Variants in SRD5A2 observed in about 807,000 individuals in gnomAD.
SRD5A2 encodes the protein steroid 5 alpha-reductase 2.
Under a neutral mutation model 27.4 loss-of-function variants are expected in SRD5A2, and 30 were observed. That is an observed-to-expected ratio of 1.10 (90% CI 0.82 to 1.49). The LOEUF is 1.49. Among genes scored for constraint, SRD5A2 ranks in the 40% most tolerant of loss-of-function variants. SRD5A2 has a pLI of 0.00. For missense variants in SRD5A2, 348 were observed against 323.4 expected (o/e 1.08, Z -0.58); for synonymous variants, 141 against 133.6 (o/e 1.06, Z -0.38).
At chr2:31,580,598 G>A (rs777512867) in intron 1 of SRD5A2, 22 bp downstream of exon 1, 3 of 1,508,150 alleles carry the variant, frequency 2.0e-6, no homozygotes, top group African/African-American at 1.4e-5. Context: ...TGCACTGGGC[G>A]CCCGCAAGGG....
chr2:31,615,197 G>A, the SRD5A2 span, among the ~76,000 whole-genome samples: 18 of 152,308 alleles, frequency 1.2e-4, no homozygotes, highest in Middle Eastern at 3.4e-3. Flanking sequence ...GTAGAGTGGG[G>A]TGCTGCTGTT....
chr2:31,648,801 C>T, the SRD5A2 span, among the ~76,000 whole-genome samples: 1 of 152,164 alleles, frequency 6.6e-6, no homozygotes, highest in Non-Finnish European at 1.5e-5. Flanking sequence ...AGCTTCAATT[C>T]TATTTGAAGC....
At chr2:31,542,390 T>C (rs1239612560) in intron 1 of SRD5A2, among the ~76,000 whole-genome samples, 1 of 152,130 alleles carries the variant, frequency 6.6e-6, no homozygotes, top group African/African-American at 2.4e-5. Context: ...CACACACCTG[T>C]AGTCCTAGCT....
upstream of SRD5A2, among the ~76,000 whole-genome samples, chr2:31,584,432 T>A (rs1032496605): frequency 6.6e-6 from 1 of 152,216 alleles, no homozygotes; most frequent in African/African-American, 2.4e-5. Flanking sequence ...TTACTAGGCA[T>A]GTTACATCAA....
intron 1 of SRD5A2, among the ~76,000 whole-genome samples, chr2:31,572,658 A>G (rs1666875617): frequency 6.6e-6 from 1 of 152,222 alleles, no homozygotes; most frequent in Non-Finnish European, 1.5e-5. Context: ...TTTGGCAAGT[A>G]AAGGGCATTG....
intron 1 of SRD5A2, among the ~76,000 whole-genome samples, chr2:31,540,149 A>G (rs1666101614): frequency 6.6e-6 from 1 of 152,196 alleles, no homozygotes; most frequent in Non-Finnish European, 1.5e-5. Flanking sequence ...ATTTAACACC[A>G]AGAGCAATCA....
Position 31,531,414 on chromosome 2 carries a change from G to T in SRD5A2, c.504C>A (p.Arg168=). ...GINIHSDYIL[R]QLRKPGEISY... ...TGATTTCTCCAGGCTTCCTGAGCTG[G>T]CGCAATATATAGTCACTATGAATGT... Residue 168 remains arginine, a synonymous_variant, in exon 3 of 5, where the codon CGC becomes CGA. Coordinates refer to ENST00000622030, the MANE Select transcript of SRD5A2 (RefSeq NM_000348.4). The T allele has an allele frequency of 6.3e-7, 1 of 1,599,084 alleles. No individual in the cohort carries two copies. Among genetic ancestry groups the T allele is most frequent in the South Asian group, 1.1e-5 (1 of 87,972 alleles).
the SRD5A2 span, among the ~76,000 whole-genome samples, chr2:31,599,856 T>C: frequency 6.6e-6 from 1 of 151,970 alleles, no homozygotes; most frequent in Non-Finnish European, 1.5e-5. Flanking sequence ...TTTTAAGTTC[T>C]GAGGTACATG....
At chr2:31,608,227 T>C in the SRD5A2 span, among the ~76,000 whole-genome samples, 1 of 151,998 alleles carries the variant, frequency 6.6e-6, no homozygotes, top group African/African-American at 2.4e-5. Flanking sequence ...TCATAAGAGA[T>C]AGAGAGATGA....
chr2:31,644,659 G>A, the SRD5A2 span, among the ~76,000 whole-genome samples: 126 of 152,256 alleles, frequency 8.3e-4, 1 homozygote, highest in East Asian at 0.019. Flanking sequence ...GTCAGGACCC[G>A]TACCAGTCCA....
intron 3 of SRD5A2, among the ~76,000 whole-genome samples, chr2:31,529,738 G>A (rs1034030000): frequency 1.3e-5 from 2 of 152,120 alleles, no homozygotes; most frequent in African/African-American, 4.8e-5. Flanking sequence ...ACTAGCTTTG[G>A]GTAGGATAAG....
the SRD5A2 span, among the ~76,000 whole-genome samples, chr2:31,631,374 A>T: frequency 6.6e-6 from 1 of 152,106 alleles, no homozygotes; most frequent in Non-Finnish European, 1.5e-5. Flanking sequence ...GTGTTTACGC[A>T]CCCTGGAAAA....
At chr2:31,597,148 T>G in the SRD5A2 span, among the ~76,000 whole-genome samples, 11 of 151,984 alleles carry the variant, frequency 7.2e-5, no homozygotes, top group Admixed American at 7.2e-4. Flanking sequence ...TGGAACAAAA[T>G]AGATAACTCA....
At chr2:31,588,330 C>T in the SRD5A2 span, among the ~76,000 whole-genome samples, 2 of 152,008 alleles carry the variant, frequency 1.3e-5, no homozygotes, top group Admixed American at 1.3e-4. Flanking sequence ...AATAATTAAA[C>T]TCCCAAAGAT....
intron 4 of SRD5A2, chr2:31,527,469 T>C (rs1029449578): frequency 5.9e-5 from 9 of 152,262 alleles, no homozygotes; most frequent in African/African-American, 2.2e-4. Context: ...TGTTAGCCTA[T>C]TAAAAACTAT....
intron 1 of SRD5A2, among the ~76,000 whole-genome samples, chr2:31,552,087 G>A (rs768006582): frequency 5.3e-5 from 8 of 151,462 alleles, no homozygotes; most frequent in Non-Finnish European, 2.9e-5. Context: ...CACTTCAGGG[G>A]AGTGATATCA....
At chr2:31,652,136 TG>T in the SRD5A2 span, among the ~76,000 whole-genome samples, 1 of 152,148 alleles carries the variant, frequency 6.6e-6, no homozygotes, top group African/African-American at 2.4e-5. Flanking sequence ...TTTTATTTTT[TG>T]TAGAGACGGG....
At position 31,529,375 on chromosome 2, in the gene SRD5A2, G is replaced by A. The variant is rs1284462856; in HGVS notation, c.630C>T (p.Ser210=). ...AAAATGCAAATGCAAGTGCTGGGAG[G>A]GACCAAGTGGCCAGGGCATAGCCGA... is the stretch of plus-strand genomic sequence containing the variant. ...EWIGYALATW[S]LPALAFAFFS... is the part of the protein sequence containing the mutation. The change falls in exon 4 of 5, where the codon TCC becomes TCT. Residue 210 remains serine (S), a synonymous_variant. Transcript: ENST00000622030. 1.2e-6 allele frequency: 2 copies of A among 1,613,906 alleles called. No individual in the cohort carries two copies. Among genetic ancestry groups the A allele is most frequent in the East Asian group, 4.5e-5 (2 of 44,874 alleles).
the SRD5A2 span, among the ~76,000 whole-genome samples, chr2:31,633,719 C>T: frequency 6.6e-6 from 1 of 152,104 alleles, no homozygotes; most frequent in Non-Finnish European, 1.5e-5. Flanking sequence ...CCCAACAGCA[C>T]TTGGGTTTTC....
Sources: allele counts gnomAD v4.1 joint callset (sites outside exome capture counted in the v4.1 genomes callset), GRCh38; gene constraint gnomAD v4.1.1; transcripts MANE v1.5; gene names NCBI Gene and HGNC (gene_info 2026-07-23, HGNC 2026-07-21).